The following SYT11 variants were observed in gnomAD, a reference collection of about 807,000 sequenced individuals.
SYT11 encodes the protein synaptotagmin-11.
SYT11 carries 12 observed loss-of-function variants against 30.4 expected under a neutral mutation model. The observed-to-expected ratio is 0.39, with a 90% confidence interval of 0.25 to 0.64. The LOEUF (loss-of-function observed/expected upper bound fraction) is 0.64. SYT11 is among the 30% of genes least tolerant of loss of function. SYT11 has a pLI of 0.45. For missense variants in SYT11, 412 were observed against 552.0 expected (o/e 0.75, Z 2.54); for synonymous variants, 204 against 216.0 (o/e 0.94, Z 0.49).
chr1:155,868,432 A>G lies in SYT11; in HGVS notation c.502A>G (p.Asn168Asp). The G allele has an allele frequency of 6.2e-7, 1 of 1,614,060 alleles. No homozygotes were observed. Among genetic ancestry groups the G allele is most frequent in the South Asian group, 1.1e-5 (1 of 91,060 alleles). ...LGSLTFSVDYNFPKKALVVTI... is the reference protein window; with the variant it reads ...LGSLTFSVDYDFPKKALVVTI... ...ATCCCTCACCTTCTCAGTGGACTAT[A>G]ACTTCCCGAAAAAAGCCCTGGTGGT... The change falls in exon 2 of 4, where the codon AAC becomes GAC. Residue 168 changes from asparagine (N) to aspartate (D), a missense_variant. By Grantham distance (23) the Asn-to-Asp change is conservative. Coordinates refer to ENST00000368324, the MANE Select transcript of SYT11 (RefSeq NM_152280.5). The surrounding 1 kb of genome is among the most constrained non-coding windows in gnomAD (Gnocchi z 4.7).
In SYT11 at chr1:155,868,707, C is replaced by G; in HGVS notation, c.777C>G (p.Gly259=). 1 of 1,614,168 alleles carries G rather than the reference C, an allele frequency of 6.2e-7. No homozygotes were observed. The highest frequency in any genetic ancestry group is 8.5e-7 in the Non-Finnish European group (1 of 1,180,044). ...GCTTCTCTCGGGATGATGTCATTGG[C>G]GAGGTCATGGTGCCACTGGCAGGGG... ...FDRFSRDDVI[G]EVMVPLAGVD... Residue 259 remains glycine (G), a synonymous_variant, in exon 2 of 4, where the codon GGC becomes GGG. Coordinates refer to ENST00000368324, the MANE Select transcript of SYT11 (RefSeq NM_152280.5). This position sits in a 1 kb window ranked among gnomAD's most constrained non-coding sequence, Gnocchi z 4.7.
At chr1:155,877,186 T>G (rs916070836) in intron 2 of SYT11, among the ~76,000 whole-genome samples, 2 of 152,054 alleles carry the variant, frequency 1.3e-5, no homozygotes, top group Non-Finnish European at 2.9e-5. Context: ...GCCAGGATGG[T>G]CTCAATCTCC....
At position 155,859,719 on chromosome 1, in the gene SYT11, T is replaced by C. The variant is rs375004581; in HGVS notation, c.-43T>C. The C allele has an allele frequency of 2.5e-6, 4 of 1,606,378 alleles. No individual in the cohort carries two copies. The highest frequency in any genetic ancestry group is 3.4e-6 in the Non-Finnish European group (4 of 1,173,064). Reference sequence around the variant, plus strand: ...CTGACCGAGGGTTCCCAGAGCTGTCTCACCATTGCAAAAACGTTATAGCAA... The same window carrying C: ...CTGACCGAGGGTTCCCAGAGCTGTCCCACCATTGCAAAAACGTTATAGCAA... On this transcript the variant is annotated 5_prime_UTR_variant, in exon 1 of 4. Transcript: ENST00000368324.
intron 1 of SYT11, among the ~76,000 whole-genome samples, chr1:155,864,272 C>T (rs1383523291): frequency 1.3e-5 from 2 of 152,098 alleles, no homozygotes; most frequent in African/African-American, 4.8e-5. Flanking sequence ...AAAAAGTAAG[C>T]TCTACCACAA....
At chr1:155,874,479 A>G (rs1672829735) in intron 2 of SYT11, among the ~76,000 whole-genome samples, 1 of 139,264 alleles carries the variant, frequency 7.2e-6, no homozygotes, top group Non-Finnish European at 1.7e-5. Context: ...ACATGCCTGT[A>G]GTCCCATCTA....
chr1:155,868,188 G>A lies in SYT11; in HGVS notation c.258G>A (p.Gly86=). 2 of 1,614,202 alleles carry A rather than the reference G, an allele frequency of 1.2e-6. No homozygotes were observed. The highest frequency in any genetic ancestry group is 2.2e-5 in the South Asian group (2 of 91,084). Residue 86 remains glycine, a synonymous_variant, in exon 2 of 4, where the codon GGG becomes GGA. Transcript: ENST00000368324. This position sits in a 1 kb window ranked among gnomAD's most constrained non-coding sequence, Gnocchi z 4.7. ...TGCGGAGAGACAAAGATGGTCCTGG[G>A]AGGGAAGGTGGACGTAGGAACCTGT... ...IKVRRDKDGP[G]REGGRRNLLV... is the part of the protein sequence containing the mutation.
chr1:155,878,897 AAATT>A (rs1039897488), intron 2 of SYT11, among the ~76,000 whole-genome samples: 1 of 151,408 alleles, frequency 6.6e-6, no homozygotes, highest in East Asian at 1.9e-4. Flanking sequence ...ATAAATAAAT[AAATT>A]AATTAATTAA....
Position 155,860,503 on chromosome 1 carries a change from C to T in SYT11, c.34+708C>T, listed in dbSNP as rs887215249. On this transcript the variant is annotated intron_variant, in intron 1 of 3. Transcript: ENST00000368324. This position sits in a 1 kb window ranked among gnomAD's most constrained non-coding sequence, Gnocchi z 4.1. ...TGTCTATTTCTGGGCCTCCTGGCAGCGCCGACGCTCTCCTTCCGGGGCCTT... is the reference window on the plus strand; with the variant it reads ...TGTCTATTTCTGGGCCTCCTGGCAGTGCCGACGCTCTCCTTCCGGGGCCTT... Among the ~76,000 whole-genome samples the T allele has an allele frequency of 1.3e-5, 2 of 152,008 alleles. No individual in the cohort carries two copies. Among genetic ancestry groups the T allele is most frequent in the African/African-American group, 4.8e-5 (2 of 41,370 alleles).
intron 2 of SYT11, among the ~76,000 whole-genome samples, chr1:155,877,386 G>A (rs1672882099): frequency 6.6e-6 from 1 of 151,970 alleles, no homozygotes; most frequent in Non-Finnish European, 1.5e-5. Context: ...ATAGAGTCGT[G>A]AGCCACTGCG....
At chr1:155,864,708 C>CT (rs773089384) in intron 1 of SYT11, among the ~76,000 whole-genome samples, 2,158 of 128,242 alleles carry the variant, frequency 0.017, 35 homozygotes, top group African/African-American at 0.031. Flanking sequence ...TGACTCAATC[C>CT]TTTTTTTTTT....
intron 2 of SYT11, among the ~76,000 whole-genome samples, chr1:155,876,178 T>C (rs182428996): frequency 5.3e-4 from 80 of 151,552 alleles, no homozygotes; most frequent in African/African-American, 1.8e-3. Context: ...ATTGTGGGGG[T>C]ATGATTTTGT....
intron 1 of SYT11, among the ~76,000 whole-genome samples, chr1:155,865,969 A>T (rs527506415): frequency 1.2e-3 from 178 of 152,224 alleles, no homozygotes; most frequent in Non-Finnish European, 2.0e-3. Flanking sequence ...CTATAGGCCT[A>T]ATCTGGACCT....
intron 1 of SYT11, among the ~76,000 whole-genome samples, chr1:155,863,266 C>A (rs1013018072): frequency 8.6e-5 from 13 of 151,894 alleles, no homozygotes; most frequent in African/African-American, 3.1e-4. Context: ...CCAGACTGGG[C>A]AACATAGCAC....
chr1:155,866,007 A>C (rs552673826), intron 1 of SYT11, among the ~76,000 whole-genome samples: 1 of 152,230 alleles, frequency 6.6e-6, no homozygotes, highest in South Asian at 2.1e-4. Context: ...TTTAGCCTCA[A>C]TGAACTTGAG....
At chr1:155,869,399 T>C (rs1672747687) in intron 2 of SYT11, among the ~76,000 whole-genome samples, 1 of 150,620 alleles carries the variant, frequency 6.6e-6, no homozygotes, top group African/African-American at 2.4e-5. Context: ...GCCTCCCGAG[T>C]AGCTGGGATT....
At chr1:155,878,902 AATT>A (rs1672915522) in intron 2 of SYT11, among the ~76,000 whole-genome samples, 2 of 151,084 alleles carry the variant, frequency 1.3e-5, no homozygotes, top group African/African-American at 2.4e-5. Flanking sequence ...TAAATAAATT[AATT>A]AATTAATTAA....
chr1:155,882,278 C>T lies in SYT11; in HGVS notation c.*770C>T, dbSNP rs1672992558. ...TCTCTGGAGAATTTCTCCCACTCCC[C>T]ACCTCTGCAGAAGAAAATTTTGCTC... is the stretch of plus-strand genomic sequence containing the variant. On this transcript the variant is annotated 3_prime_UTR_variant, in exon 4 of 4. Transcript: ENST00000368324. The T allele has an allele frequency of 6.6e-6, 1 of 152,290 alleles. No individual in the cohort carries two copies. The highest frequency in any genetic ancestry group is 2.4e-5 in the African/African-American group (1 of 41,424). The allele number at this position is 152,290 out of a possible 1,614,324, so 9.4% of individuals were successfully genotyped here. A position where few individuals can be genotyped will look rare whatever the true frequency, so the allele number is the denominator to read the frequency against.
At chr1:155,874,993 G>A (rs561340454) in intron 2 of SYT11, among the ~76,000 whole-genome samples, 1 of 150,444 alleles carries the variant, frequency 6.6e-6, no homozygotes, top group Admixed American at 6.6e-5. Flanking sequence ...GGTGACTCAC[G>A]CCTGTAATCC....
intron 2 of SYT11, among the ~76,000 whole-genome samples, chr1:155,869,886 T>C (rs1368240870): frequency 6.6e-6 from 1 of 152,184 alleles, no homozygotes; most frequent in East Asian, 1.9e-4. Flanking sequence ...GGCTCCAGAA[T>C]TGGACTGCAC....
Sources: gnomAD v4.1 joint callset for allele counts (sites outside exome capture counted in the v4.1 genomes callset) on GRCh38, gnomAD v4.1.1 for gene constraint, Gnocchi (gnomAD v3.1) non-coding constraint, MANE v1.5 for transcripts, NCBI Gene and HGNC (gene_info 2026-07-23, HGNC 2026-07-21) for gene names.